Variants in YTHDF3 observed in about 807,000 individuals in gnomAD.
YTHDF3 encodes YTH domain-containing family protein 3.
Under a neutral mutation model 52.5 loss-of-function variants are expected in YTHDF3, and 9 were observed. The observed-to-expected ratio is 0.17, with a 90% CI of 0.10 to 0.30. The LOEUF (loss-of-function observed/expected upper bound fraction) is 0.30, where lower values mean the gene tolerates loss of function less well. YTHDF3 is among the 10% of genes least tolerant of loss of function. The probability of loss-of-function intolerance (pLI) is 1.00; values close to 1 mark genes in which losing one functional copy is unlikely to be tolerated. For synonymous variants in YTHDF3, 274 were observed against 243.3 expected, an observed-to-expected ratio of 1.13 and a Z score of -1.18; for missense variants, 534 against 715.0, an observed-to-expected ratio of 0.75 and a Z score of 2.89.
chr8:63,210,611 C>T lies in YTHDF3; in HGVS notation c.*905C>T, dbSNP rs555863195. 2 of 152,684 alleles carry T rather than the reference C, an allele frequency of 1.3e-5. No homozygotes were observed. The highest frequency in any genetic ancestry group is 4.1e-4 in the South Asian group (2 of 4,826). 9.5% of individuals were successfully genotyped at this position (152,684 alleles called of 1,614,324 possible). ...ATTTATTACTCTAGGTATTCACTAG[C>T]TAAATAAACATAGTTCTTGTTTAGC... On this transcript the variant is annotated 3_prime_UTR_variant, in exon 5 of 5. Coordinates refer to ENST00000539294, the MANE Select transcript of YTHDF3 (RefSeq NM_152758.6).
At chr8:63,180,075 A>ACC (rs369234743) in intron 3 of YTHDF3, among the ~76,000 whole-genome samples, 2 of 135,616 alleles carry the variant, frequency 1.5e-5, no homozygotes, top group African/African-American at 5.8e-5. Flanking sequence ...CGGGGGGCTG[A>ACC]CCCCCCCCAC....
intron 4 of YTHDF3, among the ~76,000 whole-genome samples, chr8:63,199,549 A>T (rs1386378078): frequency 6.6e-6 from 1 of 152,216 alleles, no homozygotes; most frequent in Non-Finnish European, 1.5e-5. Flanking sequence ...CCTTAGGTGG[A>T]TATGAAATAT....
At chr8:63,199,428 C>A (rs770682963) in intron 4 of YTHDF3, among the ~76,000 whole-genome samples, 2 of 152,110 alleles carry the variant, frequency 1.3e-5, no homozygotes, top group Non-Finnish European at 2.9e-5. Flanking sequence ...TGAAATAATT[C>A]GTTGTAAGTG....
chr8:63,185,466 T>C (rs1808436752), intron 3 of YTHDF3, among the ~76,000 whole-genome samples: 1 of 151,918 alleles, frequency 6.6e-6, no homozygotes, highest in African/African-American at 2.4e-5. Context: ...AAGAGGAGAG[T>C]ATAAAGAAAA....
intron 4 of YTHDF3, among the ~76,000 whole-genome samples, chr8:63,197,550 T>C (rs1053659714): frequency 1.2e-4 from 19 of 152,200 alleles, no homozygotes; most frequent in Non-Finnish European, 2.8e-4. Context: ...TTAAGCATAT[T>C]GTTTCAAATC....
At chr8:63,170,963 A>T (rs1174206642) in intron 2 of YTHDF3, among the ~76,000 whole-genome samples, 1 of 152,162 alleles carries the variant, frequency 6.6e-6, no homozygotes, top group Non-Finnish European at 1.5e-5. Flanking sequence ...GAGTTGAGTT[A>T]TCTATAAACT....
intron 4 of YTHDF3, among the ~76,000 whole-genome samples, chr8:63,188,367 T>G (rs1192534258): frequency 6.6e-6 from 1 of 151,292 alleles, no homozygotes; most frequent in Non-Finnish European, 1.5e-5. Context: ...GTCTCTCTTG[T>G]CCCGGCAGGA....
intron 4 of YTHDF3, among the ~76,000 whole-genome samples, chr8:63,194,110 A>G (rs1384795112): frequency 6.6e-6 from 1 of 152,138 alleles, no homozygotes; most frequent in Admixed American, 6.5e-5. Flanking sequence ...TGCCTGAGAC[A>G]GTATAACAGA....
chr8:63,208,465 CAG>C (rs1810180106), intron 4 of YTHDF3, among the ~76,000 whole-genome samples: 1 of 152,086 alleles, frequency 6.6e-6, no homozygotes, highest in Admixed American at 6.5e-5. Context: ...TGTTAAACAC[CAG>C]TGGTTTTCAA....
intron 2 of YTHDF3, among the ~76,000 whole-genome samples, chr8:63,172,277 T>C (rs1167388843): frequency 6.6e-6 from 1 of 152,180 alleles, no homozygotes; most frequent in Non-Finnish European, 1.5e-5. Context: ...AGTACTATGG[T>C]TGGAAGTGTC....
chr8:63,199,276 C>T (rs1809443414), intron 4 of YTHDF3, among the ~76,000 whole-genome samples: 2 of 152,108 alleles, frequency 1.3e-5, no homozygotes, highest in South Asian at 4.1e-4. Context: ...CATTTATAGT[C>T]ATTTCTTGGT....
At chr8:63,204,066 A>G (rs1563413307) in intron 4 of YTHDF3, among the ~76,000 whole-genome samples, 1 of 152,068 alleles carries the variant, frequency 6.6e-6, no homozygotes, top group Non-Finnish European at 1.5e-5. Context: ...ATCAAGCCCC[A>G]CCTACCGCAA....
At chr8:63,168,959 G>C in intron 1 of YTHDF3, 58 bp downstream of exon 1, 1 of 1,541,840 alleles carries the variant, frequency 6.5e-7, no homozygotes, top group South Asian at 1.2e-5. Flanking sequence ...CTCCACCCTC[G>C]CGCGGGGCTT....
intron 3 of YTHDF3, among the ~76,000 whole-genome samples, chr8:63,183,098 T>G (rs780413227): frequency 6.6e-6 from 1 of 152,004 alleles, no homozygotes; most frequent in Non-Finnish European, 1.5e-5. Flanking sequence ...GTAGCTGGGA[T>G]TACAGGTGTA....
intron 3 of YTHDF3, among the ~76,000 whole-genome samples, chr8:63,177,850 C>T (rs934404572): frequency 4.0e-5 from 6 of 151,792 alleles, no homozygotes; most frequent in Non-Finnish European, 8.8e-5. Flanking sequence ...CTCTGTCGCC[C>T]AGGTTCAAGA....
chr8:63,168,784 A>G lies in YTHDF3; in HGVS notation c.-94A>G. On this transcript the variant is annotated 5_prime_UTR_variant, in exon 1 of 5. Transcript: ENST00000539294. Reference sequence around the variant, plus strand: ...GGCGGCAGCGGCGGCGGCTGGAACAATCACTCGGCCAAGGGCGACAGCCAA... The same window carrying G: ...GGCGGCAGCGGCGGCGGCTGGAACAGTCACTCGGCCAAGGGCGACAGCCAA... 1 of 1,546,740 alleles carries G rather than the reference A, an allele frequency of 6.5e-7. No homozygotes were observed.
intron 4 of YTHDF3, among the ~76,000 whole-genome samples, chr8:63,202,886 G>C (rs962729369): frequency 6.6e-6 from 1 of 151,914 alleles, no homozygotes; most frequent in Admixed American, 6.6e-5. Context: ...TTCATTCTTC[G>C]TTTATGAACA....
intron 3 of YTHDF3, among the ~76,000 whole-genome samples, chr8:63,178,265 C>T (rs189656648): frequency 1.6e-4 from 25 of 152,302 alleles, no homozygotes; most frequent in Admixed American, 1.4e-3. Context: ...TTAGTGTCTT[C>T]CTAGGGAAAA....
intron 4 of YTHDF3, among the ~76,000 whole-genome samples, chr8:63,204,900 A>G (rs981539178): frequency 9.9e-5 from 15 of 152,218 alleles, no homozygotes; most frequent in Non-Finnish European, 2.9e-5. Flanking sequence ...TACAAGGAAA[A>G]TAAGTCATTT....
Sources: allele counts gnomAD v4.1 joint callset (sites outside exome capture counted in the v4.1 genomes callset), GRCh38; gene constraint gnomAD v4.1.1; transcripts MANE v1.5; gene names NCBI Gene and HGNC (gene_info 2026-07-23, HGNC 2026-07-21).